RELN: variants seen among roughly 807,000 people sequenced by gnomAD.
The protein encoded by RELN is reelin.
Under a neutral mutation model 427.6 loss-of-function variants are expected in RELN, and 108 were observed. The observed-to-expected ratio is 0.25, with a 90% CI of 0.22 to 0.30. The LOEUF is 0.30. Among genes scored for constraint, RELN ranks in the 10% least tolerant of loss-of-function variants. The pLI is 1.00. For synonymous variants in RELN, 1,524 were observed against 1,513.4 expected (o/e 1.01, Z -0.16); for missense variants, 3,715 against 4,302.8 (o/e 0.86, Z 3.82).
chr7:103,675,614 G>A (rs1437005038), intron 11 of RELN, among the ~76,000 whole-genome samples: 26 of 152,084 alleles, frequency 1.7e-4, no homozygotes, highest in African/African-American at 2.2e-4. Flanking sequence ...AGCTGGAGGC[G>A]TCATGCTATC....
At chr7:103,966,603 C>A (rs761408432) in intron 1 of RELN, among the ~76,000 whole-genome samples, 29 of 152,116 alleles carry the variant, frequency 1.9e-4, no homozygotes, top group Non-Finnish European at 4.1e-4. Context: ...GAAAAATAAT[C>A]TATTGTGATT....
intron 1 of RELN, among the ~76,000 whole-genome samples, chr7:103,954,323 A>G (rs28712474): frequency 0.02 from 3,001 of 152,260 alleles, 105 homozygotes; most frequent in African/African-American, 0.068. Flanking sequence ...TGTCTTTTCT[A>G]GTTGCTAAGT....
chr7:103,750,038 G>A (rs563975071), intron 5 of RELN, among the ~76,000 whole-genome samples: 32 of 152,242 alleles, frequency 2.1e-4, no homozygotes, highest in African/African-American at 4.3e-4. Context: ...GCAGTGCAGC[G>A]GCATGATCTT....
Position 103,551,206 on chromosome 7 carries a change from G to A in RELN, c.6163C>T (p.Leu2055=), listed in dbSNP as rs757357348. The part of the protein sequence containing the change: ...RDFGATWHLL[L]PLCYHSSSHV... Reference sequence around the variant, plus strand: ...CTGCTGCTGTGGTAGCAGAGGGGCAGCAGAAGGTGCCAGGTCGCCCCGAAG... The same window carrying A: ...CTGCTGCTGTGGTAGCAGAGGGGCAACAGAAGGTGCCAGGTCGCCCCGAAG... Residue 2055 remains leucine, a synonymous_variant, in exon 41 of 65, where the codon CTG becomes TTG. Transcript: ENST00000428762. 5.0e-6 allele frequency: 8 copies of A among 1,614,110 alleles called. No individual in the cohort carries two copies. The highest frequency in any genetic ancestry group is 3.3e-5 in the Admixed American group (2 of 60,032).
At chr7:103,972,944 TTA>T (rs1285645896) in intron 1 of RELN, among the ~76,000 whole-genome samples, 1 of 150,154 alleles carries the variant, frequency 6.7e-6, no homozygotes, top group African/African-American at 2.5e-5. Context: ...TAGAAAAACT[TTA>T]TGATTGACAC....
chr7:103,746,858 A>ATTCAG (rs1400544251), intron 6 of RELN, among the ~76,000 whole-genome samples: 1 of 151,932 alleles, frequency 6.6e-6, no homozygotes, highest in African/African-American at 2.4e-5. Context: ...CAGTGTGGCG[A>ATTCAG]TTCCTCAGGG....
At chr7:103,615,891 T>C (rs557449191) in intron 20 of RELN, among the ~76,000 whole-genome samples, 13 of 152,200 alleles carry the variant, frequency 8.5e-5, no homozygotes, top group Non-Finnish European at 1.9e-4. Context: ...AATCAGTTTC[T>C]GCATTCTTCC....
intron 1 of RELN, among the ~76,000 whole-genome samples, chr7:103,949,549 CCT>C (rs1796293504): frequency 6.6e-6 from 1 of 151,722 alleles, no homozygotes; most frequent in East Asian, 1.9e-4. Flanking sequence ...CCCCCCAACC[CCT>C]GTCAACAGAC....
At chr7:103,792,149 G>C (rs1472980922) in intron 3 of RELN, among the ~76,000 whole-genome samples, 1 of 152,154 alleles carries the variant, frequency 6.6e-6, no homozygotes, top group Non-Finnish European at 1.5e-5. Context: ...TTGGAAAACA[G>C]TTTGGCAATG....
At chr7:103,959,439 A>G (rs1358064519) in intron 1 of RELN, among the ~76,000 whole-genome samples, 3 of 152,170 alleles carry the variant, frequency 2.0e-5, no homozygotes, top group Non-Finnish European at 4.4e-5. Flanking sequence ...AAAGCATCAC[A>G]TATGTGTCCA....
At chr7:103,701,382 T>A (rs1834088230) in intron 8 of RELN, among the ~76,000 whole-genome samples, 1 of 152,124 alleles carries the variant, frequency 6.6e-6, no homozygotes, top group Non-Finnish European at 1.5e-5. Flanking sequence ...TATTAAATGG[T>A]ACATAAGTCA....
intron 3 of RELN, among the ~76,000 whole-genome samples, chr7:103,830,958 A>G (rs1167267554): frequency 6.6e-6 from 1 of 152,106 alleles, no homozygotes; most frequent in East Asian, 1.9e-4. Flanking sequence ...GTCAATAAAA[A>G]CTGACGAAAC....
intron 6 of RELN, among the ~76,000 whole-genome samples, chr7:103,744,079 C>T (rs1341817630): frequency 6.6e-6 from 1 of 152,076 alleles, no homozygotes; most frequent in Non-Finnish European, 1.5e-5. Flanking sequence ...GACCACAGTG[C>T]AATCAAACTA....
At chr7:103,736,515 T>C (rs968250583) in intron 6 of RELN, among the ~76,000 whole-genome samples, 4 of 152,202 alleles carry the variant, frequency 2.6e-5, no homozygotes, top group African/African-American at 9.6e-5. Flanking sequence ...TTCTTTCTCA[T>C]TACTTTTCAC....
chr7:103,815,770 G>C (rs1792854944), intron 3 of RELN, among the ~76,000 whole-genome samples: 1 of 152,166 alleles, frequency 6.6e-6, no homozygotes, highest in African/African-American at 2.4e-5. Context: ...ATCTCCATGA[G>C]AATGCAGCAT....
chr7:103,974,289 G>A (rs933056268), intron 1 of RELN, among the ~76,000 whole-genome samples: 3 of 152,092 alleles, frequency 2.0e-5, no homozygotes, highest in Non-Finnish European at 4.4e-5. Context: ...ACAAGGAAAC[G>A]GAGACATAGA....
At chr7:103,724,093 T>C (rs1034448642) in intron 7 of RELN, among the ~76,000 whole-genome samples, 2 of 152,170 alleles carry the variant, frequency 1.3e-5, no homozygotes, top group Non-Finnish European at 1.5e-5. Flanking sequence ...ATAGGACATT[T>C]CAGTTACTCC....
intron 6 of RELN, among the ~76,000 whole-genome samples, chr7:103,729,695 T>C (rs1404168812): frequency 2.0e-5 from 3 of 152,162 alleles, no homozygotes; most frequent in East Asian, 1.9e-4. Flanking sequence ...ATTTATGGCA[T>C]GTTCCTTTTG....
chr7:103,773,126 T>TTCTTTCTTTCTTTCTC lies in RELN; in HGVS notation c.544+3430_544+3431insGAGAAAGAAAGAAAGA, dbSNP rs779501177. ...TTTCTTTCTTTCTTTCTTTCTTTCTTTCTTTCTTTCTTTCTTTCTTTCTTT... is the reference window on the plus strand; with the variant it reads ...TTTCTTTCTTTCTTTCTTTCTTTCTTTCTTTCTTTCTTTCTCTCTTTCTTTCTTTCTTTCTTTCTTT... On this transcript the variant is annotated intron_variant, in intron 4 of 64. Transcript: ENST00000428762. Among the ~76,000 whole-genome samples, 92 of 94,202 alleles carry TTCTTTCTTTCTTTCTC rather than the reference T, an allele frequency of 9.8e-4. 1 individual carries two copies. The highest frequency in any genetic ancestry group is 1.7e-3 in the Non-Finnish European group (70 of 41,478). 61.8% of individuals were successfully genotyped at this position (94,202 alleles called of 152,430 possible). A position where few individuals can be genotyped will look rare whatever the true frequency, so the allele number is the denominator to read the frequency against.
Sources: gnomAD v4.1 joint callset for allele counts (sites outside exome capture counted in the v4.1 genomes callset) on GRCh38, gnomAD v4.1.1 for gene constraint, MANE v1.5 for transcripts, NCBI Gene and HGNC (gene_info 2026-07-23, HGNC 2026-07-21) for gene names.